The following MGMT variants were observed in gnomAD, a reference collection of about 807,000 sequenced individuals.
MGMT encodes O-6-methylguanine-DNA methyltransferase.
A neutral mutation model predicts 15.9 loss-of-function variants in MGMT; 14 were observed. That is an observed-to-expected ratio of 0.88 (90% CI 0.58 to 1.37). The LOEUF (loss-of-function observed/expected upper bound fraction) is 1.37. Among genes scored for constraint, MGMT ranks in the 40% most tolerant of loss-of-function variants. MGMT has a pLI of 0.00. For synonymous variants in MGMT, 130 were observed against 118.2 expected (o/e 1.10, Z -0.65); for missense variants, 282 against 268.1 (o/e 1.05, Z -0.36).
At chr10:129,666,777 A>T (rs932878763) in intron 2 of MGMT, among the ~76,000 whole-genome samples, 4 of 152,178 alleles carry the variant, frequency 2.6e-5, no homozygotes, top group African/African-American at 9.7e-5. Context: ...CAATGCTGAG[A>T]GTAGTGATAC....
chr10:129,676,919 A>T (rs994759042), intron 2 of MGMT, among the ~76,000 whole-genome samples: 7 of 152,232 alleles, frequency 4.6e-5, no homozygotes, highest in Non-Finnish European at 1.0e-4. Flanking sequence ...ACATTGAAAA[A>T]GCAGAGTTAT....
chr10:129,599,174 C>T (rs887966406), intron 2 of MGMT, among the ~76,000 whole-genome samples: 10 of 152,284 alleles, frequency 6.6e-5, no homozygotes, highest in Admixed American at 4.6e-4. Context: ...TTGGTTACAG[C>T]GTTTGCCTTA....
intron 2 of MGMT, among the ~76,000 whole-genome samples, chr10:129,610,057 G>A (rs1846941639): frequency 6.6e-6 from 1 of 152,096 alleles, no homozygotes; most frequent in South Asian, 2.1e-4. Flanking sequence ...TTGATATATG[G>A]TAAACTATTG....
At chr10:129,515,590 T>C (rs1296317275) in intron 1 of MGMT, among the ~76,000 whole-genome samples, 5 of 152,228 alleles carry the variant, frequency 3.3e-5, no homozygotes. Flanking sequence ...TATCCCTTCC[T>C]GGCTGAGCGC....
intron 2 of MGMT, among the ~76,000 whole-genome samples, chr10:129,656,298 A>T (rs1847524162): frequency 6.6e-6 from 1 of 152,190 alleles, no homozygotes. Context: ...AGTTGTGGCC[A>T]CTATCTGCCC....
chr10:129,509,441 C>T (rs910603824), intron 1 of MGMT, among the ~76,000 whole-genome samples: 9 of 152,260 alleles, frequency 5.9e-5, no homozygotes, highest in Middle Eastern at 3.4e-3. Context: ...CTGGCACATT[C>T]GGATTTCCTT....
Position 129,496,434 on chromosome 10 carries a change from G to C in MGMT, c.-13+29138G>C, listed in dbSNP as rs147074560. Among the ~76,000 whole-genome samples the C allele has an allele frequency of 2.9e-3, 438 of 152,248 alleles. 2 individuals carry two copies. The highest frequency in any genetic ancestry group is 1.0e-2 in the African/African-American group (415 of 41,540). On this transcript the variant is annotated intron_variant, in intron 1 of 4. Coordinates refer to ENST00000651593, the MANE Select transcript of MGMT (RefSeq NM_002412.5). ...ACAAGATTAATACCTTGGCTCAGGGGACATAACATTTTAGTAAAATCAAAA... is the reference window on the plus strand; with the variant it reads ...ACAAGATTAATACCTTGGCTCAGGGCACATAACATTTTAGTAAAATCAAAA...
intron 2 of MGMT, among the ~76,000 whole-genome samples, chr10:129,676,541 T>G (rs1564757530): frequency 6.6e-6 from 1 of 152,186 alleles, no homozygotes; most frequent in Non-Finnish European, 1.5e-5. Context: ...ACGACGTGTT[T>G]GCAGGGGTTG....
At chr10:129,536,186 A>G in intron 1 of MGMT, 55 bp from the exon 2 acceptor site, 1 of 1,584,118 alleles carries the variant, frequency 6.3e-7, no homozygotes, top group Non-Finnish European at 8.6e-7. Context: ...TGTGTGTTTT[A>G]TATACGACCA....
chr10:129,490,010 AC>A (rs1257808106), intron 1 of MGMT, among the ~76,000 whole-genome samples: 2 of 152,134 alleles, frequency 1.3e-5, no homozygotes, highest in Non-Finnish European at 2.9e-5. Context: ...TAAAGGGAAA[AC>A]TGCTAACTCT....
intron 2 of MGMT, among the ~76,000 whole-genome samples, chr10:129,565,647 G>A (rs924104612): frequency 3.3e-5 from 5 of 152,154 alleles, no homozygotes; most frequent in African/African-American, 4.8e-5. Context: ...CAGGAGCCGC[G>A]TGAAAGTCTG....
At chr10:129,679,556 A>C (rs1260674209) in intron 2 of MGMT, among the ~76,000 whole-genome samples, 1 of 152,210 alleles carries the variant, frequency 6.6e-6, no homozygotes, top group African/African-American at 2.4e-5. Flanking sequence ...ATTTATTAAA[A>C]GTTTCTGTCT....
In MGMT at chr10:129,703,785, G is replaced by T. The variant is rs139091684; in HGVS notation, c.126-4110G>T. Among the ~76,000 whole-genome samples, 41 of 152,276 alleles carry T rather than the reference G, an allele frequency of 2.7e-4. 1 individual carries two copies. In the East Asian group the frequency reaches 7.6e-3, roughly 28 times the overall value. ...GCAGGAGACAAGACCCTCACCCAGC[G>T]CCTCAGCCCCTTCCTGTCCCATCCC... On this transcript the variant is annotated intron_variant, in intron 2 of 4. Transcript: ENST00000651593.
chr10:129,555,129 C>T (rs932874687), intron 2 of MGMT, among the ~76,000 whole-genome samples: 4 of 152,214 alleles, frequency 2.6e-5, no homozygotes, highest in East Asian at 3.9e-4. Flanking sequence ...TTCCTAAGGT[C>T]GCCCCTGCGT....
intron 1 of MGMT, among the ~76,000 whole-genome samples, chr10:129,502,372 A>G (rs925095590): frequency 3.0e-4 from 46 of 152,184 alleles, no homozygotes; most frequent in African/African-American, 1.1e-3. Flanking sequence ...GGTGCCAGGC[A>G]TATTTAGTTA....
At chr10:129,665,186 A>AC (rs1252547487) in intron 2 of MGMT, among the ~76,000 whole-genome samples, 5 of 24,366 alleles carry the variant, frequency 2.1e-4, no homozygotes, top group Admixed American at 1.8e-3. Flanking sequence ...CCACTCACCC[A>AC]CCCCCCCACC....
In MGMT at chr10:129,598,313, G is replaced by A. The variant is rs117498594; in HGVS notation, c.125+61936G>A. ...TGGGCCACTTCTTTGCTGTGGAACC[G>A]TGGGCAAGTCTCTTGTTCTTTCTGG... is the stretch of plus-strand genomic sequence containing the variant. On this transcript the variant is annotated intron_variant, in intron 2 of 4. Transcript: ENST00000651593. Among the ~76,000 whole-genome samples the A allele has an allele frequency of 2.1e-3, 322 of 152,310 alleles. 9 individuals carry two copies. In the East Asian group the frequency reaches 0.057, roughly 27 times the overall value.
At chr10:129,474,202 C>T (rs1039937254) in intron 1 of MGMT, among the ~76,000 whole-genome samples, 9 of 152,192 alleles carry the variant, frequency 5.9e-5, no homozygotes, top group African/African-American at 2.2e-4. Flanking sequence ...AAATGCTGCG[C>T]TGGGTGAAGG....
intron 1 of MGMT, among the ~76,000 whole-genome samples, chr10:129,520,470 G>GCAGAGCCCC: frequency 9.8e-6 from 1 of 102,558 alleles, no homozygotes; most frequent in Non-Finnish European, 1.9e-5. Context: ...TGTGGTGCAT[G>GCAGAGCCCC]TACAGAGCCC....
Sources: gnomAD v4.1 joint callset for allele counts (sites outside exome capture counted in the v4.1 genomes callset) on GRCh38, gnomAD v4.1.1 for gene constraint, MANE v1.5 for transcripts, NCBI Gene and HGNC (gene_info 2026-07-23, HGNC 2026-07-21) for gene names.